Variants in CAST observed in about 807,000 individuals in gnomAD.
CAST encodes the protein calpastatin.
Under a neutral mutation model 119.6 loss-of-function variants are expected in CAST, and 76 were observed. The observed-to-expected ratio is 0.64, with a 90% CI of 0.53 to 0.77. CAST has a LOEUF of 0.77. CAST is among the 30% of genes least tolerant of loss of function. The probability of loss-of-function intolerance (pLI) is 0.00; values close to 1 mark genes in which losing one functional copy is unlikely to be tolerated. For missense variants in CAST, 953 were observed against 946.5 expected (o/e 1.01, Z -0.09); for synonymous variants, 319 against 331.6 (o/e 0.96, Z 0.41).
the CAST span, among the ~76,000 whole-genome samples, chr5:95,972,564 A>T: frequency 2.0e-5 from 3 of 151,872 alleles, no homozygotes; most frequent in South Asian, 4.1e-4. Flanking sequence ...TTGTCCTTTT[A>T]AAAAAAAGAG....
the CAST span, among the ~76,000 whole-genome samples, chr5:96,326,159 G>T: frequency 6.6e-6 from 1 of 152,000 alleles, no homozygotes; most frequent in Non-Finnish European, 1.5e-5. Flanking sequence ...ATGTTGATTT[G>T]GTTCCCTTAT....
At chr5:96,498,694 G>A in the CAST span, among the ~76,000 whole-genome samples, 3 of 152,170 alleles carry the variant, frequency 2.0e-5, no homozygotes, top group Admixed American at 6.5e-5. Context: ...GTTAACTAGT[G>A]ATGCACCATT....
chr5:96,656,850 G>C (rs765734824), intron 1 of CAST, among the ~76,000 whole-genome samples: 3 of 152,080 alleles, frequency 2.0e-5, no homozygotes, highest in Non-Finnish European at 4.4e-5. Context: ...CTAGAAACTA[G>C]TGAATTCTTA....
At chr5:96,138,311 G>T in the CAST span, among the ~76,000 whole-genome samples, 1 of 151,704 alleles carries the variant, frequency 6.6e-6, no homozygotes, top group African/African-American at 2.4e-5. Flanking sequence ...ATTTATGTAG[G>T]TCTATTTCTG....
intron 2 of CAST, among the ~76,000 whole-genome samples, chr5:96,688,009 A>G (rs1340593068): frequency 6.6e-6 from 1 of 152,226 alleles, no homozygotes; most frequent in Non-Finnish European, 1.5e-5. Flanking sequence ...TAAACGTGAT[A>G]TGGTGCTATC....
At chr5:96,462,499 T>C in the CAST span, among the ~76,000 whole-genome samples, 2 of 152,108 alleles carry the variant, frequency 1.3e-5, no homozygotes, top group African/African-American at 4.8e-5. Flanking sequence ...TATAAGGACT[T>C]TATTAAATAT....
intron 1 of CAST, among the ~76,000 whole-genome samples, chr5:96,672,929 A>C (rs1278696852): frequency 1.3e-5 from 2 of 152,168 alleles, no homozygotes; most frequent in African/African-American, 4.8e-5. Flanking sequence ...TTTAAGGGAG[A>C]AAAGGCTGTA....
the CAST span, among the ~76,000 whole-genome samples, chr5:96,025,717 A>C: frequency 6.6e-6 from 1 of 152,312 alleles, no homozygotes; most frequent in Non-Finnish European, 1.5e-5. Context: ...AGCTCAATAC[A>C]GAGAGAATTT....
intron 3 of CAST, among the ~76,000 whole-genome samples, chr5:96,722,273 C>T (rs1227783639): frequency 1.3e-5 from 2 of 152,054 alleles, no homozygotes; most frequent in Non-Finnish European, 2.9e-5. Flanking sequence ...CTGAAAATAA[C>T]ATAAACAGTA....
intron 1 of CAST, among the ~76,000 whole-genome samples, chr5:96,537,003 A>G (rs1745828455): frequency 6.6e-6 from 1 of 152,262 alleles, no homozygotes; most frequent in Non-Finnish European, 1.5e-5. Flanking sequence ...ATTTGAATCT[A>G]CCCAGTGCTC....
At chr5:96,602,555 C>T (rs1424240113) in intron 1 of CAST, among the ~76,000 whole-genome samples, 1 of 152,150 alleles carries the variant, frequency 6.6e-6, no homozygotes, top group Non-Finnish European at 1.5e-5. Flanking sequence ...AGTCCGAGAC[C>T]AGCCTGGTCA....
intron 3 of CAST, among the ~76,000 whole-genome samples, chr5:96,701,213 C>G (rs774451333): frequency 6.6e-6 from 1 of 152,082 alleles, no homozygotes; most frequent in Non-Finnish European, 1.5e-5. Context: ...CAGGCATGAG[C>G]CACCATGCCT....
chr5:96,236,563 G>A, the CAST span, among the ~76,000 whole-genome samples: 509 of 152,270 alleles, frequency 3.3e-3, 3 homozygotes, highest in African/African-American at 0.012. Flanking sequence ...TTTTTAAGAG[G>A]ATTTAAGGAG....
the CAST span, among the ~76,000 whole-genome samples, chr5:96,333,939 A>G: frequency 1.3e-5 from 2 of 152,270 alleles, no homozygotes; most frequent in African/African-American, 4.8e-5. Context: ...TCCAACATCA[A>G]CATTCTTTGA....
the CAST span, among the ~76,000 whole-genome samples, chr5:96,174,376 A>G: frequency 4.9e-4 from 74 of 152,336 alleles, 1 homozygote; most frequent in African/African-American, 1.6e-3. Flanking sequence ...TTAGACAGAT[A>G]TTTGTTGAGT....
At chr5:96,161,684 T>A in the CAST span, among the ~76,000 whole-genome samples, 1 of 152,224 alleles carries the variant, frequency 6.6e-6, no homozygotes, top group Non-Finnish European at 1.5e-5. Flanking sequence ...GGGATTGTAT[T>A]GAATCTGTAG....
chr5:96,435,925 C>T, the CAST span, among the ~76,000 whole-genome samples: 8 of 152,142 alleles, frequency 5.3e-5, no homozygotes, highest in Non-Finnish European at 5.9e-5. Flanking sequence ...AACATATACC[C>T]TTGGGCATAC....
chr5:96,317,823 C>T, the CAST span, among the ~76,000 whole-genome samples: 1 of 152,072 alleles, frequency 6.6e-6, no homozygotes, highest in African/African-American at 2.4e-5. Flanking sequence ...AGGAAACAAA[C>T]CAAACATATA....
the CAST span, among the ~76,000 whole-genome samples, chr5:96,271,501 A>G: frequency 2.0e-5 from 3 of 152,214 alleles, no homozygotes; most frequent in Non-Finnish European, 4.4e-5. Context: ...ACAATGGAAA[A>G]AGGACAGTCT....
Sources: allele counts gnomAD v4.1 joint callset (sites outside exome capture counted in the v4.1 genomes callset), GRCh38; gene constraint gnomAD v4.1.1; transcripts MANE v1.5; gene names NCBI Gene and HGNC (gene_info 2026-07-23, HGNC 2026-07-21).